The following CSMD1 variants were observed in gnomAD, a reference collection of about 807,000 sequenced individuals.
The protein encoded by CSMD1 is CUB and sushi domain-containing protein 1.
In CSMD1, 213 loss-of-function variants were observed where a neutral mutation model predicts 417.5. The observed-to-expected ratio is 0.51, with a 90% CI of 0.46 to 0.57. The LOEUF is 0.57. Ranked by LOEUF, CSMD1 falls within the 20% of genes least tolerant of loss-of-function variation. The pLI, the probability that CSMD1 is intolerant of heterozygous loss-of-function variation, is 0.00. For synonymous variants in CSMD1, 2,862 were observed against 1,736.8 expected (o/e 1.65, Z -16.11); for missense variants, 6,923 against 4,529.7 (o/e 1.53, Z -15.17).
chr8:3,281,281 A>G (rs1409990977), intron 26 of CSMD1, among the ~76,000 whole-genome samples: 4 of 151,942 alleles, frequency 2.6e-5, no homozygotes, highest in Non-Finnish European at 5.9e-5. Context: ...TGTCTAGGCT[A>G]AAAATACAAA....
chr8:3,818,652 C>G (rs549995533), intron 5 of CSMD1, among the ~76,000 whole-genome samples: 1 of 152,130 alleles, frequency 6.6e-6, no homozygotes, highest in Admixed American at 6.5e-5. Flanking sequence ...TGCCCGGCAT[C>G]GTCTGATGAC....
intron 3 of CSMD1, among the ~76,000 whole-genome samples, chr8:4,376,607 G>T (rs1430082465): frequency 7.2e-6 from 1 of 139,152 alleles, no homozygotes; most frequent in Non-Finnish European, 1.5e-5. Flanking sequence ...ACAATTTTTA[G>T]GGGGGAATTA....
intron 3 of CSMD1, among the ~76,000 whole-genome samples, chr8:4,147,967 C>G (rs1796351794): frequency 6.6e-6 from 1 of 152,094 alleles, no homozygotes; most frequent in South Asian, 2.1e-4. Context: ...AGAAGATGCA[C>G]CAAAGCCCTG....
chr8:4,634,624 C>G (rs1426532063), intron 2 of CSMD1, among the ~76,000 whole-genome samples: 1 of 152,192 alleles, frequency 6.6e-6, no homozygotes, highest in Admixed American at 6.5e-5. Context: ...CCTTTGAATT[C>G]TAGAGCTGCC....
chr8:4,748,364 G>A (rs917732553), intron 1 of CSMD1, among the ~76,000 whole-genome samples: 1 of 152,176 alleles, frequency 6.6e-6, no homozygotes, highest in African/African-American at 2.4e-5. Context: ...TCTTAGCATG[G>A]TTTTCTGCTC....
intron 10 of CSMD1, among the ~76,000 whole-genome samples, chr8:3,569,885 G>C (rs1294005087): frequency 6.6e-6 from 1 of 152,026 alleles, no homozygotes; most frequent in Non-Finnish European, 1.5e-5. Flanking sequence ...TTTCTTCTCT[G>C]AACATTTCTC....
intron 10 of CSMD1, among the ~76,000 whole-genome samples, chr8:3,568,388 C>T (rs556513593): frequency 5.0e-4 from 76 of 152,068 alleles, no homozygotes; most frequent in Non-Finnish European, 7.8e-4. Context: ...CAGTTTTTGT[C>T]AATTATACAT....
At chr8:4,031,175 T>C (rs766565705) in intron 4 of CSMD1, among the ~76,000 whole-genome samples, 1 of 152,196 alleles carries the variant, frequency 6.6e-6, no homozygotes, top group African/African-American at 2.4e-5. Context: ...TTCCACATCT[T>C]TTGGTATCTT....
intron 5 of CSMD1, among the ~76,000 whole-genome samples, chr8:3,991,225 C>A (rs1043842260): frequency 1.4e-4 from 22 of 152,288 alleles, no homozygotes; most frequent in African/African-American, 5.3e-4. Flanking sequence ...AAGAAAGCCA[C>A]CAATCAAGTT....
At chr8:4,053,638 A>G (rs752990701) in intron 3 of CSMD1, among the ~76,000 whole-genome samples, 1 of 152,232 alleles carries the variant, frequency 6.6e-6, no homozygotes, top group African/African-American at 2.4e-5. Context: ...TTTGTCTTGC[A>G]TAGAGTGTCA....
chr8:4,413,796 C>G (rs1459911667), intron 3 of CSMD1, among the ~76,000 whole-genome samples: 2 of 152,078 alleles, frequency 1.3e-5, no homozygotes, highest in African/African-American at 2.4e-5. Flanking sequence ...CTTCTGGCAA[C>G]TAAGCCTAGA....
intron 1 of CSMD1, among the ~76,000 whole-genome samples, chr8:4,933,931 G>C (rs13249466): frequency 0.31 from 46,731 of 151,844 alleles, 8,141 homozygotes; most frequent in Middle Eastern, 0.4. Context: ...TTCATAATAG[G>C]CAGAATCACA....
intron 3 of CSMD1, among the ~76,000 whole-genome samples, chr8:4,259,206 A>G (rs1165098708): frequency 3.3e-5 from 5 of 152,148 alleles, no homozygotes. Flanking sequence ...CCAGCCCACA[A>G]CGGCTTTCAA....
Position 4,125,213 on chromosome 8 carries a change from G to C in CSMD1, c.416-93114C>G, listed in dbSNP as rs564867974. ...AATTACTAAACTAAAGGGAAAGGTC[G>C]AGCTGGGAACTGCTTAGGGCCAACC... is the stretch of plus-strand genomic sequence containing the variant. On this transcript the variant is annotated intron_variant, in intron 3 of 69. Coordinates refer to ENST00000635120, the MANE Select transcript of CSMD1 (RefSeq NM_033225.6). Among the ~76,000 whole-genome samples, 7 of 152,236 alleles carry C rather than the reference G, an allele frequency of 4.6e-5. 1 individual carries two copies. The South Asian group carries it at 1.0e-3, about 23-fold the overall frequency.
intron 68 of CSMD1, among the ~76,000 whole-genome samples, chr8:2,948,638 A>C (rs921703668): frequency 6.6e-5 from 10 of 152,280 alleles, no homozygotes; most frequent in Non-Finnish European, 1.3e-4. Context: ...ATAGATGGGC[A>C]ACATGCGGAG....
rs563752470 is a variant in CSMD1 at position 4,192,999 on chromosome 8, T to C, written c.416-160900A>G. ...GTGTTTTGCAAATCAAATGCAATCA[T>C]ATCTTTGTAACTCAGGAACTGATCT... is the stretch of plus-strand genomic sequence containing the variant. On this transcript the variant is annotated intron_variant, in intron 3 of 69. Transcript: ENST00000635120. Among the ~76,000 whole-genome samples the C allele has an allele frequency of 2.1e-3, 314 of 152,378 alleles. 3 individuals carry two copies. The highest frequency in any genetic ancestry group is 3.8e-3 in the Non-Finnish European group (260 of 68,040).
chr8:4,110,231 A>G (rs1801779587), intron 3 of CSMD1, among the ~76,000 whole-genome samples: 1 of 152,214 alleles, frequency 6.6e-6, no homozygotes, highest in South Asian at 2.1e-4. Flanking sequence ...GAAATAAAAT[A>G]AAACAAGACT....
chr8:3,827,215 T>A (rs986752624), intron 5 of CSMD1, among the ~76,000 whole-genome samples: 4 of 152,200 alleles, frequency 2.6e-5, no homozygotes. Flanking sequence ...AGGGACAAAC[T>A]TGTCTTTCAT....
rs536804142 is a variant in CSMD1 at position 4,824,294 on chromosome 8, G to A, written c.85+170038C>T. On this transcript the variant is annotated intron_variant, in intron 1 of 69. Transcript: ENST00000635120. ...AAATACACAAGTTTTTCTTGGGTAC[G>A]TATCAATTGAAATAATACTTTGTGT... Among the ~76,000 whole-genome samples the A allele has an allele frequency of 1.4e-4, 21 of 152,090 alleles. No homozygotes were observed. The South Asian group carries it at 2.5e-3, about 18-fold the overall frequency.
Sources: gnomAD v4.1 joint callset for allele counts (sites outside exome capture counted in the v4.1 genomes callset) on GRCh38, gnomAD v4.1.1 for gene constraint, MANE v1.5 for transcripts, NCBI Gene and HGNC (gene_info 2026-07-23, HGNC 2026-07-21) for gene names.